Variants in PDE7A observed in about 807,000 individuals in gnomAD.
PDE7A encodes phosphodiesterase 7A.
A neutral mutation model predicts 64.3 loss-of-function variants in PDE7A; 39 were observed. The ratio of observed to expected loss-of-function variants is 0.61; its 90% CI spans 0.47 to 0.79. The LOEUF (loss-of-function observed/expected upper bound fraction) is 0.79. PDE7A is among the 30% of genes least tolerant of loss of function. The pLI, the probability that PDE7A is intolerant of heterozygous loss-of-function variation, is 0.00. For synonymous variants in PDE7A, 203 were observed against 206.8 expected, an observed-to-expected ratio of 0.98 and a Z score of 0.16; for missense variants, 470 against 582.8, an observed-to-expected ratio of 0.81 and a Z score of 1.99.
intron 1 of PDE7A, among the ~76,000 whole-genome samples, chr8:65,787,780 AG>A (rs143470274): frequency 0.1 from 15,648 of 149,406 alleles, 957 homozygotes; most frequent in African/African-American, 0.16. Flanking sequence ...TCATCTCTAC[AG>A]GGGGGGGAAA....
rs544760453 is a variant in PDE7A, at chr8:65,819,435, T to G, written c.138+21936A>C. Among the ~76,000 whole-genome samples the G allele has an allele frequency of 2.0e-5, 3 of 152,290 alleles. No individual in the cohort carries two copies. The South Asian group carries it at 6.2e-4, about 32-fold the overall frequency. Reference sequence around the variant, plus strand: ...CTTGTTTAAGAAATAAAAATTCTATTAAAATGTTCAAATTGTTTGGACCAA... The same window carrying G: ...CTTGTTTAAGAAATAAAAATTCTATGAAAATGTTCAAATTGTTTGGACCAA... On this transcript the variant is annotated intron_variant, in intron 1 of 12. Coordinates refer to ENST00000401827, the MANE Select transcript of PDE7A (RefSeq NM_001242318.3).
intron 1 of PDE7A, among the ~76,000 whole-genome samples, chr8:65,828,534 T>C (rs1011614498): frequency 3.3e-5 from 5 of 152,172 alleles, no homozygotes; most frequent in South Asian, 4.1e-4. Context: ...TTACCAATGT[T>C]GCAAATTGTT....
intron 1 of PDE7A, among the ~76,000 whole-genome samples, chr8:65,803,080 A>G (rs1810033322): frequency 6.6e-6 from 1 of 152,234 alleles, no homozygotes. Flanking sequence ...CTTCCTATAA[A>G]GCTTGCTGAA....
chr8:65,807,451 T>C (rs1259793338), intron 1 of PDE7A, among the ~76,000 whole-genome samples: 2 of 152,242 alleles, frequency 1.3e-5, no homozygotes, highest in East Asian at 1.9e-4. Context: ...GTATCTTCTA[T>C]GTAGATAATC....
chr8:65,772,436 CT>C (rs1393576405), intron 3 of PDE7A, among the ~76,000 whole-genome samples: 2 of 152,126 alleles, frequency 1.3e-5, no homozygotes, highest in Non-Finnish European at 2.9e-5. Context: ...GTGTTTGTAT[CT>C]TTGCCAAGTC....
chr8:65,757,926 A>G (rs1808314185), intron 3 of PDE7A, among the ~76,000 whole-genome samples: 1 of 152,152 alleles, frequency 6.6e-6, no homozygotes, highest in Non-Finnish European at 1.5e-5. Flanking sequence ...CAACTCCAAG[A>G]CTTTTAATGT....
chr8:65,733,553 G>A (rs956942448), intron 7 of PDE7A, among the ~76,000 whole-genome samples: 10 of 151,904 alleles, frequency 6.6e-5, no homozygotes, highest in Admixed American at 2.0e-4. Context: ...CCAGGATGTC[G>A]AGGCTGCAGT....
At chr8:65,769,321 A>G (rs1004264163) in intron 3 of PDE7A, among the ~76,000 whole-genome samples, 1 of 151,980 alleles carries the variant, frequency 6.6e-6, no homozygotes, top group African/African-American at 2.4e-5. Context: ...GAAAGTCTGC[A>G]TGATACGGCC....
At chr8:65,828,485 C>T (rs1810734282) in intron 1 of PDE7A, among the ~76,000 whole-genome samples, 1 of 152,052 alleles carries the variant, frequency 6.6e-6, no homozygotes, top group African/African-American at 2.4e-5. Flanking sequence ...TATCCAATCC[C>T]CCACTGATAA....
At chr8:65,834,748 T>G (rs1353977054) in intron 1 of PDE7A, among the ~76,000 whole-genome samples, 1 of 152,156 alleles carries the variant, frequency 6.6e-6, no homozygotes, top group African/African-American at 2.4e-5. Flanking sequence ...TACCAGCAGG[T>G]GGAGGCATGG....
At chr8:65,837,342 A>G (rs1356479437) in intron 1 of PDE7A, among the ~76,000 whole-genome samples, 1 of 152,194 alleles carries the variant, frequency 6.6e-6, no homozygotes, top group Non-Finnish European at 1.5e-5. Flanking sequence ...CAGCAACAAA[A>G]AATTACTACA....
intron 3 of PDE7A, among the ~76,000 whole-genome samples, chr8:65,761,074 T>C (rs1234531584): frequency 6.6e-6 from 1 of 152,028 alleles, no homozygotes; most frequent in Non-Finnish European, 1.5e-5. Context: ...CTTTTTTTTT[T>C]TTTTAGACGG....
At chr8:65,754,172 G>A (rs979261191) in intron 3 of PDE7A, among the ~76,000 whole-genome samples, 2 of 152,074 alleles carry the variant, frequency 1.3e-5, no homozygotes. Flanking sequence ...TAGGAAGCTA[G>A]GCCAGTCTAG....
At chr8:65,739,730 T>G (rs778390474) in intron 5 of PDE7A, 133 bp from the exon 6 acceptor site, 42 of 945,202 alleles carry the variant, frequency 4.4e-5, no homozygotes, top group South Asian at 7.7e-5. Context: ...ATCAAAAATA[T>G]GCATCTTCTT....
intron 1 of PDE7A, among the ~76,000 whole-genome samples, chr8:65,783,217 C>T (rs1809464548): frequency 6.6e-6 from 1 of 152,196 alleles, no homozygotes; most frequent in East Asian, 1.9e-4. Context: ...AATCCACTGG[C>T]TTTCCTGCTG....
chr8:65,784,170 C>T (rs1809488836), intron 1 of PDE7A, among the ~76,000 whole-genome samples: 1 of 152,116 alleles, frequency 6.6e-6, no homozygotes, highest in African/African-American at 2.4e-5. Context: ...GATGGCACCA[C>T]TGCACTTCAG....
At position 65,837,942 on chromosome 8, in the gene PDE7A, G is replaced by C. The variant is rs576810126; in HGVS notation, c.138+3429C>G. Among the ~76,000 whole-genome samples the C allele has an allele frequency of 3.3e-5, 5 of 151,524 alleles. No homozygotes were observed. The South Asian group carries it at 8.3e-4, about 25-fold the overall frequency. Reference sequence around the variant, plus strand: ...TTTTCAGACTAGGGCTGCTCAGCCTGTAATTCTTTACATTTTCTCAACGCA... The same window carrying C: ...TTTTCAGACTAGGGCTGCTCAGCCTCTAATTCTTTACATTTTCTCAACGCA... On this transcript the variant is annotated intron_variant, in intron 1 of 12. Transcript: ENST00000401827.
chr8:65,752,026 A>G (rs1305733233), intron 3 of PDE7A, among the ~76,000 whole-genome samples: 1 of 152,212 alleles, frequency 6.6e-6, no homozygotes, highest in African/African-American at 2.4e-5. Flanking sequence ...GGGCACTGCT[A>G]CAGTTTTACA....
chr8:65,788,948 A>C, intron 1 of PDE7A: 1 of 1,612,814 alleles, frequency 6.2e-7, no homozygotes, highest in African/African-American at 1.3e-5. Flanking sequence ...CCATTGGATC[A>C]ATCAAAAGCC....
Sources: allele counts gnomAD v4.1 joint callset (sites outside exome capture counted in the v4.1 genomes callset), GRCh38; gene constraint gnomAD v4.1.1; transcripts MANE v1.5; gene names NCBI Gene and HGNC (gene_info 2026-07-23, HGNC 2026-07-21).